The following CNTNAP2 variants were observed in gnomAD, a reference collection of about 807,000 sequenced individuals.
CNTNAP2 encodes the protein contactin-associated protein-like 2.
Under a neutral mutation model 155.2 loss-of-function variants are expected in CNTNAP2, and 98 were observed. The ratio of observed to expected loss-of-function variants is 0.63; its 90% confidence interval spans 0.54 to 0.75. The LOEUF (loss-of-function observed/expected upper bound fraction) is 0.75, where lower values mean the gene tolerates loss of function less well. CNTNAP2 is among the 30% of genes least tolerant of loss of function. The pLI is 0.00. For synonymous variants in CNTNAP2, 651 were observed against 631.2 expected (o/e 1.03, Z -0.47); for missense variants, 1,727 against 1,688.1 (o/e 1.02, Z -0.40).
intron 8 of CNTNAP2, among the ~76,000 whole-genome samples, chr7:147,148,645 C>T (rs899009964): frequency 4.6e-5 from 7 of 152,018 alleles, no homozygotes; most frequent in East Asian, 1.9e-4. Flanking sequence ...CAGATGTGTC[C>T]GAAGTTTCTT....
chr7:147,208,621 T>C, intron 8 of CNTNAP2, among the ~76,000 whole-genome samples: 1 of 152,020 alleles, frequency 6.6e-6, no homozygotes, highest in East Asian at 1.9e-4. Context: ...AATTCTGGGC[T>C]TGGGTTTAAA....
chr7:147,647,341 G>C (rs370323421), intron 13 of CNTNAP2, among the ~76,000 whole-genome samples: 1 of 151,514 alleles, frequency 6.6e-6, no homozygotes, highest in Non-Finnish European at 1.5e-5. Flanking sequence ...GAGATAAAGA[G>C]AGACTCCACT....
At chr7:147,873,313 T>C (rs1209390559) in intron 13 of CNTNAP2, among the ~76,000 whole-genome samples, 1 of 152,218 alleles carries the variant, frequency 6.6e-6, no homozygotes, top group Non-Finnish European at 1.5e-5. Context: ...ATTCTGCTAA[T>C]AAGGACATAC....
chr7:147,490,391 T>C (rs544275626), intron 11 of CNTNAP2, among the ~76,000 whole-genome samples: 1 of 152,292 alleles, frequency 6.6e-6, no homozygotes, highest in Admixed American at 6.5e-5. Flanking sequence ...GCATTTCCTC[T>C]GGGTTCATAA....
intron 13 of CNTNAP2, among the ~76,000 whole-genome samples, chr7:147,765,591 C>G (rs1234120193): frequency 6.6e-6 from 1 of 152,020 alleles, no homozygotes; most frequent in Non-Finnish European, 1.5e-5. Flanking sequence ...CAAGTGCTGG[C>G]CAGGGTGAGA....
intron 3 of CNTNAP2, among the ~76,000 whole-genome samples, chr7:146,894,025 C>T (rs753218532): frequency 5.3e-5 from 8 of 152,136 alleles, no homozygotes; most frequent in Non-Finnish European, 7.4e-5. Flanking sequence ...GTGGATACTG[C>T]CTATAGAAAC....
At chr7:146,728,889 G>A (rs750941842) in intron 1 of CNTNAP2, among the ~76,000 whole-genome samples, 1 of 152,090 alleles carries the variant, frequency 6.6e-6, no homozygotes, top group Non-Finnish European at 1.5e-5. Flanking sequence ...CCAGGTCGTC[G>A]TTCTCAGTGG....
chr7:146,510,413 T>G (rs780644679), intron 1 of CNTNAP2, among the ~76,000 whole-genome samples: 10 of 152,166 alleles, frequency 6.6e-5, no homozygotes, highest in Non-Finnish European at 1.3e-4. Context: ...TGAGGTCAGG[T>G]AGTGTGATGT....
intron 11 of CNTNAP2, among the ~76,000 whole-genome samples, chr7:147,553,448 G>A (rs1799890348): frequency 6.6e-6 from 1 of 152,024 alleles, no homozygotes; most frequent in African/African-American, 2.4e-5. Flanking sequence ...CACAAATAAA[G>A]TATTTCCAAA....
At chr7:146,724,217 AG>A (rs1246817795) in intron 1 of CNTNAP2, among the ~76,000 whole-genome samples, 1 of 152,184 alleles carries the variant, frequency 6.6e-6, no homozygotes, top group Non-Finnish European at 1.5e-5. Flanking sequence ...AGTCATCTGT[AG>A]TACTTAAGTC....
intron 1 of CNTNAP2, among the ~76,000 whole-genome samples, chr7:146,660,189 A>G (rs1800063001): frequency 6.6e-6 from 1 of 152,224 alleles, no homozygotes; most frequent in Non-Finnish European, 1.5e-5. Context: ...ATTCACTGGT[A>G]AATAATCTCA....
chr7:146,684,066 T>C (rs949151948), intron 1 of CNTNAP2, among the ~76,000 whole-genome samples: 7 of 152,142 alleles, frequency 4.6e-5, no homozygotes, highest in Non-Finnish European at 1.0e-4. Flanking sequence ...CTCTAGCAAA[T>C]CCTCCAGAGG....
rs189850483 is a variant in CNTNAP2, at chr7:147,145,575, C to G, written c.1348+13066C>G. Reference sequence around the variant, plus strand: ...AAGCCTAGACCTCCCACCCACCCCACTCCACGGACTTCCATTTTCTCCCAT... The same window carrying G: ...AAGCCTAGACCTCCCACCCACCCCAGTCCACGGACTTCCATTTTCTCCCAT... On this transcript the variant is annotated intron_variant, in intron 8 of 23. Coordinates refer to ENST00000361727, the MANE Select transcript of CNTNAP2 (RefSeq NM_014141.6). 1.3e-4 allele frequency among the ~76,000 whole-genome samples: 20 copies of G among 152,280 alleles called. 1 individual carries two copies. In the East Asian group the frequency reaches 3.9e-3, roughly 29 times the overall value.
chr7:146,495,454 G>A (rs1264002086), intron 1 of CNTNAP2, among the ~76,000 whole-genome samples: 2 of 151,706 alleles, frequency 1.3e-5, no homozygotes, highest in African/African-American at 4.8e-5. Flanking sequence ...CTGACCTTAG[G>A]TGAATCACTT....
Position 147,262,246 on chromosome 7 carries a change from A to G in CNTNAP2, c.1349-37895A>G, listed in dbSNP as rs886568683. ...AAAAACCTGCAATGATTTTACTTGA[A>G]TGCGGAAAGACAGAATGCTAAAGCT... On this transcript the variant is annotated intron_variant, in intron 8 of 23. Transcript: ENST00000361727. 1.8e-4 allele frequency among the ~76,000 whole-genome samples: 27 copies of G among 152,362 alleles called. No homozygotes were observed. In the Middle Eastern group the frequency reaches 0.01, roughly 58 times the overall value.
chr7:147,026,207 G>A (rs545253009), intron 3 of CNTNAP2, among the ~76,000 whole-genome samples: 2 of 152,278 alleles, frequency 1.3e-5, no homozygotes, highest in South Asian at 4.1e-4. Context: ...AAAGTTCATA[G>A]TGTATATAAA....
intron 12 of CNTNAP2, among the ~76,000 whole-genome samples, chr7:147,635,587 A>G (rs1225843924): frequency 2.0e-5 from 3 of 152,188 alleles, no homozygotes; most frequent in Non-Finnish European, 1.5e-5. Flanking sequence ...TTGATAGAGA[A>G]ATGTTTGTGG....
chr7:147,172,671 A>C (rs531923627), intron 8 of CNTNAP2, among the ~76,000 whole-genome samples: 1 of 152,184 alleles, frequency 6.6e-6, no homozygotes, highest in Non-Finnish European at 1.5e-5. Flanking sequence ...TTTAAAAAAA[A>C]GCCATCAAGA....
intron 12 of CNTNAP2, among the ~76,000 whole-genome samples, chr7:147,612,401 C>CTTT (rs565607932): frequency 4.5e-5 from 6 of 133,038 alleles, no homozygotes; most frequent in African/African-American, 1.1e-4. Flanking sequence ...AATTTTCTTT[C>CTTT]TTTTTTTTTT....
Sources: allele counts gnomAD v4.1 joint callset (sites outside exome capture counted in the v4.1 genomes callset), GRCh38; gene constraint gnomAD v4.1.1; transcripts MANE v1.5; gene names NCBI Gene and HGNC (gene_info 2026-07-23, HGNC 2026-07-21).